The following P2RY6 variants were observed in gnomAD, a reference collection of about 807,000 sequenced individuals.
P2RY6 encodes pyrimidinergic receptor P2Y6, also known as P2Y purinoceptor 6.
In P2RY6, 19 loss-of-function variants were observed where a neutral mutation model predicts 16.3. The ratio of observed to expected loss-of-function variants is 1.16; its 90% CI spans 0.81 to 1.71. The LOEUF (loss-of-function observed/expected upper bound fraction) is 1.71, where lower values mean the gene tolerates loss of function less well. Among genes scored for constraint, P2RY6 ranks in the 40% most tolerant of loss-of-function variants. The probability of loss-of-function intolerance (pLI) is 0.00; values close to 1 mark genes in which losing one functional copy is unlikely to be tolerated. For missense variants in P2RY6, 389 were observed against 455.5 expected (o/e 0.85, Z 1.33); for synonymous variants, 184 against 201.5 (o/e 0.91, Z 0.74).
Position 73,298,456 on chromosome 11 carries a change from G to C in P2RY6, c.*951G>C, listed in dbSNP as rs1864598352. On this transcript the variant is annotated 3_prime_UTR_variant, in exon 3 of 3. Transcript: ENST00000540124. ...TGGGAAGCCAATGGAGGGATTAAGC[G>C]GCGGAAGCTTCTTAGAAGAGGCAGG... 1 of 167,176 alleles carries C rather than the reference G, an allele frequency of 6.0e-6. No individual in the cohort carries two copies. Among genetic ancestry groups the C allele is most frequent in the South Asian group, 2.1e-4 (1 of 4,838 alleles). 10.4% of individuals were successfully genotyped at this position (167,176 alleles called of 1,614,324 possible). A position where few individuals can be genotyped will look rare whatever the true frequency, so the allele number is the denominator to read the frequency against.
At chr11:73,289,123 A>G (rs1864086090) in intron 1 of P2RY6, among the ~76,000 whole-genome samples, 1 of 152,216 alleles carries the variant, frequency 6.6e-6, no homozygotes, top group Non-Finnish European at 1.5e-5. Context: ...GGTCATGTAA[A>G]GTTTATCCTG....
In P2RY6 at chr11:73,289,960, G is replaced by T. The variant is rs935604288; in HGVS notation, c.-120-5770G>T. Among the ~76,000 whole-genome samples the T allele has an allele frequency of 2.0e-5, 3 of 152,272 alleles. No homozygotes were observed. The East Asian group carries it at 5.8e-4, about 29-fold the overall frequency. On this transcript the variant is annotated intron_variant, in intron 1 of 2. Transcript: ENST00000540124. ...ATACTGGCCAGGCACGGTGGCTCAC[G>T]CCTGTAATCCCAGCACTTCGCGAGG...
Position 73,284,137 on chromosome 11 carries a change from G to A in P2RY6, c.-120-11593G>A, listed in dbSNP as rs923748385. Among the ~76,000 whole-genome samples the A allele has an allele frequency of 3.9e-5, 6 of 152,072 alleles. No individual in the cohort carries two copies. The East Asian group carries it at 1.2e-3, about 29-fold the overall frequency. On this transcript the variant is annotated intron_variant, in intron 1 of 2. Transcript: ENST00000540124. ...GGCCAAGGCTTAGAAGACAGAGGAG[G>A]GAGGATGCCCTAGGACAGACAAAAG...
chr11:73,279,737 G>T (rs1293668216), intron 1 of P2RY6, among the ~76,000 whole-genome samples: 1 of 152,194 alleles, frequency 6.6e-6, no homozygotes, highest in Non-Finnish European at 1.5e-5. Flanking sequence ...CTAATTGGTT[G>T]CCCCTGAACC....
In P2RY6 at chr11:73,296,796, C is replaced by T. The variant is rs1436905961; in HGVS notation, c.278C>T (p.Pro93Leu). The change falls in exon 3 of 3, where the codon CCC (proline) becomes CTC (leucine). Residue 93 changes from proline (P) to leucine (L), a missense_variant. Coordinates refer to ENST00000540124, the MANE Select transcript of P2RY6 (RefSeq NM_001277204.2). The stretch of plus-strand genomic sequence containing the variant: ...AACTATGCCCAAGGTGATCACTGGC[C>T]CTTTGGCGACTTCGCCTGCCGCCTG... ...IYNYAQGDHW[P>L]FGDFACRLVR... 6.2e-7 allele frequency: 1 copy of T among 1,611,494 alleles called. No homozygotes were observed. The highest frequency in any genetic ancestry group is 2.2e-5 in the East Asian group (1 of 44,886).
intron 1 of P2RY6, among the ~76,000 whole-genome samples, chr11:73,290,238 A>AAGAG (rs1223588040): frequency 2.0e-5 from 3 of 148,918 alleles, no homozygotes; most frequent in South Asian, 4.2e-4. Context: ...GAAAGAAAGA[A>AAGAG]AGAGAGAGTC....
intron 1 of P2RY6, among the ~76,000 whole-genome samples, chr11:73,295,436 G>A (rs1311954980): frequency 4.6e-5 from 7 of 152,214 alleles, no homozygotes; most frequent in Non-Finnish European, 1.0e-4. Context: ...TCCCATGTCT[G>A]TGGGCTACAC....
chr11:73,292,691 A>G (rs1864306724), intron 1 of P2RY6: 2 of 523,718 alleles, frequency 3.8e-6, no homozygotes, highest in African/African-American at 2.1e-5. Flanking sequence ...CTCTAAGCCC[A>G]GTTTCCGCCA....
In P2RY6 at chr11:73,293,317, G is replaced by A. The variant is rs375433386; in HGVS notation, c.-120-2413G>A. Among the ~76,000 whole-genome samples, 80 of 152,300 alleles carry A rather than the reference G, an allele frequency of 5.3e-4. 1 individual carries two copies. The highest frequency in any genetic ancestry group is 4.1e-3 in the East Asian group (21 of 5,180). On this transcript the variant is annotated intron_variant, in intron 1 of 2. Coordinates refer to ENST00000540124, the MANE Select transcript of P2RY6 (RefSeq NM_001277204.2). ...GGGGCAAGGGCAGAGTGGCCCTGGC[G>A]TACTTCAGATAGGACTGGAGGGCTT... is the stretch of plus-strand genomic sequence containing the variant.
intron 1 of P2RY6, among the ~76,000 whole-genome samples, chr11:73,291,857 T>TG (rs1227441029): frequency 6.6e-6 from 1 of 152,088 alleles, no homozygotes; most frequent in Admixed American, 6.5e-5. Context: ...AGTCAGTGAT[T>TG]GGGGGCAAAG....
intron 1 of P2RY6, among the ~76,000 whole-genome samples, chr11:73,290,348 A>AAAGG (rs1864181567): frequency 7.0e-6 from 1 of 142,164 alleles, no homozygotes; most frequent in Non-Finnish European, 1.6e-5. Flanking sequence ...AGAAAGAAAG[A>AAAGG]AAGAAAGAAA....
In P2RY6 at chr11:73,297,641, A is replaced by T. The variant is rs2135773330; in HGVS notation, c.*136A>T. 1 of 697,258 alleles carries T rather than the reference A, an allele frequency of 1.4e-6. No homozygotes were observed. Among genetic ancestry groups the T allele is most frequent in the South Asian group, 1.9e-5 (1 of 51,770 alleles). 43.2% of individuals were successfully genotyped at this position (697,258 alleles called of 1,614,324 possible). On this transcript the variant is annotated 3_prime_UTR_variant, in exon 3 of 3. Transcript: ENST00000540124. ...AGTTAAGATCCCTCACAGGACCCAG[A>T]AGCTCACCAAAAACTATTTCTTCAG...
chr11:73,295,878 T>TG, intron 2 of P2RY6, 63 bp downstream of exon 2: 1 of 616,696 alleles, frequency 1.6e-6, no homozygotes, highest in Non-Finnish European at 2.0e-6. Context: ...CCCCAGACCC[T>TG]GGGCGAAGAT....
Position 73,296,915 on chromosome 11 carries a change from G to C in P2RY6, c.397G>C (p.Ala133Pro), listed in dbSNP as rs773199291. The C allele has an allele frequency of 1.2e-6, 2 of 1,608,988 alleles. No homozygotes were observed. Among genetic ancestry groups the C allele is most frequent in the Non-Finnish European group, 8.5e-7 (1 of 1,180,016 alleles). The stretch of plus-strand genomic sequence containing the variant: ...CTACCTGGGCATCTGCCACCCGCTG[G>C]CCCCCTGGCACAAACGTGGGGGCCG... ...QRYLGICHPL[A>P]PWHKRGGRRA... is the part of the protein sequence containing the mutation. The change falls in exon 3 of 3, where the codon GCC (alanine) becomes CCC (proline). Residue 133 changes from alanine to proline, a missense_variant. Ala to Pro is a conservative substitution (Grantham distance 27, BLOSUM62 -1). Transcript: ENST00000540124.
chr11:73,272,290 T>TCTG, upstream of P2RY6: 2 of 967,948 alleles, frequency 2.1e-6, no homozygotes, highest in Non-Finnish European at 2.5e-6. Context: ...CTGTGGCAAG[T>TCTG]TACTTCCTCT....
At chr11:73,274,350 G>C (rs1251034652) in intron 1 of P2RY6, among the ~76,000 whole-genome samples, 1 of 152,140 alleles carries the variant, frequency 6.6e-6, no homozygotes, top group Non-Finnish European at 1.5e-5. Context: ...TGAGCTGAAA[G>C]AGAAAGTTAA....
At position 73,298,344 on chromosome 11, in the gene P2RY6, C is replaced by T. The variant is rs1486692136; in HGVS notation, c.*839C>T. 1 of 167,218 alleles carries T rather than the reference C, an allele frequency of 6.0e-6. No homozygotes were observed. The highest frequency in any genetic ancestry group is 6.5e-5 in the Admixed American group (1 of 15,292). 10.4% of individuals were successfully genotyped at this position (167,218 alleles called of 1,614,324 possible). A position where few individuals can be genotyped will look rare whatever the true frequency, so the allele number is the denominator to read the frequency against. On this transcript the variant is annotated 3_prime_UTR_variant, in exon 3 of 3. Coordinates refer to ENST00000540124, the MANE Select transcript of P2RY6 (RefSeq NM_001277204.2). ...AGGGCCAGAGCAGAGGACACATGGCCTTGCGTGTGTGAAAGCTGAGAAAAT... is the reference window on the plus strand; with the variant it reads ...AGGGCCAGAGCAGAGGACACATGGCTTTGCGTGTGTGAAAGCTGAGAAAAT...
rs779908841 is a variant in P2RY6, at chr11:73,296,931, G to A, written c.413G>A (p.Arg138His). ...ICHPLAPWHK[R>H]GGRRAAWLVC... ...CACCCGCTGGCCCCCTGGCACAAAC[G>A]TGGGGGCCGCCGGGCTGCCTGGCTA... Residue 138 changes from arginine to histidine, a missense_variant, in exon 3 of 3, where the codon CGT becomes CAT. Arg to His is a conservative substitution (Grantham distance 29). Transcript: ENST00000540124. The A allele has an allele frequency of 1.4e-5, 22 of 1,607,370 alleles. No homozygotes were observed. Among genetic ancestry groups the A allele is most frequent in the Admixed American group, 1.2e-4 (7 of 60,004 alleles).
At chr11:73,284,452 G>A (rs762445928) in intron 1 of P2RY6, among the ~76,000 whole-genome samples, 14 of 152,126 alleles carry the variant, frequency 9.2e-5, no homozygotes, top group Non-Finnish European at 1.6e-4. Flanking sequence ...GAAAACCTCA[G>A]GCAGGGCAGG....
Sources: allele counts gnomAD v4.1 joint callset (sites outside exome capture counted in the v4.1 genomes callset), GRCh38; gene constraint gnomAD v4.1.1; transcripts MANE v1.5; gene names NCBI Gene and HGNC (gene_info 2026-07-23, HGNC 2026-07-21).